The following ITGB3BP variants were observed in gnomAD, a reference collection of about 807,000 sequenced individuals.
ITGB3BP encodes the protein centromere protein R.
Under a neutral mutation model 29.1 loss-of-function variants are expected in ITGB3BP, and 27 were observed. The observed-to-expected ratio is 0.93, with a 90% confidence interval of 0.68 to 1.28. The LOEUF is 1.28. Ranked by LOEUF, ITGB3BP falls within the 50% of genes most tolerant of loss-of-function variation. The pLI is 0.00. For synonymous variants in ITGB3BP, 61 were observed against 61.4 expected (o/e 0.99, Z 0.03); for missense variants, 192 against 200.2 (o/e 0.96, Z 0.25).
At chr1:63,450,607 A>C (rs551013140) in intron 7 of ITGB3BP, among the ~76,000 whole-genome samples, 1 of 152,010 alleles carries the variant, frequency 6.6e-6, no homozygotes, top group Non-Finnish European at 1.5e-5. Flanking sequence ...GAATGGTCAT[A>C]TGTCTTAAGT....
intron 1 of ITGB3BP, among the ~76,000 whole-genome samples, chr1:63,516,747 A>G (rs1398009381): frequency 6.6e-6 from 1 of 151,896 alleles, no homozygotes; most frequent in Admixed American, 6.6e-5. Flanking sequence ...AAAAAAAAGA[A>G]AAGCAAATAC....
intron 1 of ITGB3BP, among the ~76,000 whole-genome samples, chr1:63,509,532 G>A (rs965830816): frequency 3.9e-5 from 6 of 152,002 alleles, no homozygotes; most frequent in Non-Finnish European, 7.4e-5. Flanking sequence ...ATGACTATTC[G>A]TAAGTAACTA....
chr1:63,459,318 T>C (rs1296904019), intron 4 of ITGB3BP, among the ~76,000 whole-genome samples: 2 of 152,194 alleles, frequency 1.3e-5, no homozygotes, highest in Admixed American at 1.3e-4. Context: ...AATACACTAC[T>C]AATTAATTCT....
intron 4 of ITGB3BP, chr1:63,457,397 C>T (rs569964983): frequency 6.6e-6 from 1 of 152,262 alleles, no homozygotes; most frequent in Non-Finnish European, 1.5e-5. Context: ...TGCATTGCTA[C>T]TGAGAGCCCT....
intron 4 of ITGB3BP, among the ~76,000 whole-genome samples, chr1:63,469,809 C>T (rs1264697220): frequency 6.6e-6 from 1 of 152,206 alleles, no homozygotes; most frequent in Non-Finnish European, 1.5e-5. Context: ...GAACAAGCCC[C>T]CCAAAATCTG....
intron 4 of ITGB3BP, among the ~76,000 whole-genome samples, chr1:63,466,992 C>G (rs1053245628): frequency 6.6e-6 from 1 of 152,082 alleles, no homozygotes. Flanking sequence ...TCAAATGATT[C>G]TCCAAACAGC....
chr1:63,514,076 A>AT (rs1276203235), intron 1 of ITGB3BP, among the ~76,000 whole-genome samples: 2 of 152,040 alleles, frequency 1.3e-5, no homozygotes, highest in Admixed American at 6.6e-5. Flanking sequence ...TACTTTTCTA[A>AT]TTTTTTCCAG....
intron 4 of ITGB3BP, among the ~76,000 whole-genome samples, chr1:63,455,266 G>T (rs1644916869): frequency 1.3e-5 from 2 of 151,810 alleles, no homozygotes; most frequent in African/African-American, 4.8e-5. Context: ...GTATCACCTA[G>T]TAACTTCTTT....
At chr1:63,491,162 C>T (rs902682538) in intron 2 of ITGB3BP, among the ~76,000 whole-genome samples, 1 of 152,154 alleles carries the variant, frequency 6.6e-6, no homozygotes, top group East Asian at 1.9e-4. Flanking sequence ...GATCCCCTTC[C>T]TTCAAACATC....
intron 8 of ITGB3BP, among the ~76,000 whole-genome samples, chr1:63,445,109 A>C (rs1644774565): frequency 6.6e-6 from 1 of 152,016 alleles, no homozygotes; most frequent in Non-Finnish European, 1.5e-5. Flanking sequence ...ACATGGTGAA[A>C]CCCCATGTCT....
chr1:63,479,679 A>C (rs1278327396), intron 3 of ITGB3BP, among the ~76,000 whole-genome samples: 1 of 152,066 alleles, frequency 6.6e-6, no homozygotes, highest in Non-Finnish European at 1.5e-5. Flanking sequence ...TCCCACTTAT[A>C]AGTGAGATCA....
intron 4 of ITGB3BP, among the ~76,000 whole-genome samples, chr1:63,478,245 C>T (rs1353978751): frequency 6.6e-6 from 1 of 152,166 alleles, no homozygotes; most frequent in African/African-American, 2.4e-5. Flanking sequence ...ACATGGAGAG[C>T]CATCTGTATT....
In ITGB3BP at chr1:63,498,868, G is replaced by A. The variant is rs371929948; in HGVS notation, c.49-8650C>T. ...GGAGGGTGGAAGGAAGGAAGGGATG[G>A]GGAGTCAAATTATAAAATCAGGAAT... On this transcript the variant is annotated intron_variant, in intron 2 of 8. Coordinates refer to ENST00000271002, the MANE Select transcript of ITGB3BP (RefSeq NM_014288.5). Among the ~76,000 whole-genome samples, 72 of 151,860 alleles carry A rather than the reference G, an allele frequency of 4.7e-4. 1 individual carries two copies. The highest frequency in any genetic ancestry group is 6.8e-3 in the Middle Eastern group (2 of 294).
intron 2 of ITGB3BP, among the ~76,000 whole-genome samples, chr1:63,496,014 T>A (rs1167380481): frequency 6.6e-6 from 1 of 151,850 alleles, no homozygotes; most frequent in Middle Eastern, 3.2e-3. Flanking sequence ...GGTATGATTA[T>A]GGGCAAAAGG....
chr1:63,521,767 G>A (rs1435151510), intron 1 of ITGB3BP, among the ~76,000 whole-genome samples: 1 of 152,058 alleles, frequency 6.6e-6, no homozygotes, highest in African/African-American at 2.4e-5. Context: ...GGGCAACAGA[G>A]CCAGACTCTG....
intron 7 of ITGB3BP, among the ~76,000 whole-genome samples, chr1:63,452,764 C>T (rs1216556874): frequency 1.3e-5 from 2 of 152,264 alleles, no homozygotes; most frequent in Middle Eastern, 3.4e-3. Context: ...CAGCTCCCTT[C>T]CCACATGAGC....
intron 3 of ITGB3BP, among the ~76,000 whole-genome samples, chr1:63,486,665 T>C (rs1645536689): frequency 6.6e-6 from 1 of 152,040 alleles, no homozygotes; most frequent in South Asian, 2.1e-4. Context: ...GTAATTCATC[T>C]TTTTCTTGTA....
chr1:63,521,877 G>C (rs764680744), intron 1 of ITGB3BP, among the ~76,000 whole-genome samples: 3 of 152,172 alleles, frequency 2.0e-5, no homozygotes, highest in Non-Finnish European at 4.4e-5. Flanking sequence ...CCACTTGTTT[G>C]GCAAATACAC....
At chr1:63,456,825 C>T (rs1278577990) in intron 4 of ITGB3BP, among the ~76,000 whole-genome samples, 1 of 152,118 alleles carries the variant, frequency 6.6e-6, no homozygotes, top group East Asian at 1.9e-4. Context: ...AAATGGTGCC[C>T]CCCAAAGTTG....
Sources: allele counts gnomAD v4.1 joint callset (sites outside exome capture counted in the v4.1 genomes callset), GRCh38; gene constraint gnomAD v4.1.1; transcripts MANE v1.5; gene names NCBI Gene and HGNC (gene_info 2026-07-23, HGNC 2026-07-21).